Variants in TRMT112 observed in about 807,000 individuals in gnomAD.
TRMT112 encodes the protein tRNA methyltransferase activator subunit 11-2.
TRMT112 carries 9 observed loss-of-function variants against 13.8 expected under a neutral mutation model. The observed-to-expected ratio is 0.65, with a 90% confidence interval of 0.39 to 1.14. The LOEUF is 1.14. TRMT112 is among the 50% of genes most tolerant of loss of function. The pLI is 0.01. For missense variants in TRMT112, 196 were observed against 165.5 expected, an observed-to-expected ratio of 1.18 and a Z score of -1.01; for synonymous variants, 64 against 67.0, an observed-to-expected ratio of 0.96 and a Z score of 0.22.
Position 64,316,471 on chromosome 11 carries a change from C to T in TRMT112, c.*390G>A, listed in dbSNP as rs41294424. Reference sequence around the variant, plus strand: ...AGCAATAACTCCAAGCAGACTCCAGCCCCTGGACCCCTGGGGTGGCCAGGG... The same window carrying T: ...AGCAATAACTCCAAGCAGACTCCAGTCCCTGGACCCCTGGGGTGGCCAGGG... On this transcript the variant is annotated 3_prime_UTR_variant, in exon 4 of 4. Transcript: ENST00000544844. The T allele has an allele frequency of 4.7e-6, 1 of 214,182 alleles. No individual in the cohort carries two copies. The highest frequency in any genetic ancestry group is 2.3e-5 in the African/African-American group (1 of 42,778). The allele number at this position is 214,182 out of a possible 1,614,324, so 13.3% of individuals were successfully genotyped here.
chr11:64,318,165 G>A, upstream of TRMT112: 1 of 1,606,290 alleles, frequency 6.2e-7, no homozygotes, highest in Non-Finnish European at 8.5e-7. Flanking sequence ...TGCCCCGCCT[G>A]CTGCGGTGGC....
At chr11:64,318,213 G>A (rs779537653), upstream of TRMT112, 1 of 1,611,484 alleles carries the variant, frequency 6.2e-7, no homozygotes, top group South Asian at 1.1e-5. Context: ...CCGTGGGGCG[G>A]GTATGGGACT....
upstream of TRMT112, chr11:64,318,491 C>T (rs1019098716): frequency 6.0e-5 from 84 of 1,401,404 alleles, no homozygotes; most frequent in African/African-American, 1.1e-3. Context: ...CCAGACCCCT[C>T]CCCTCCGCCC....
intron 2 of TRMT112, 56 bp from the exon 3 acceptor site, chr11:64,317,203 G>A (rs934276436): frequency 1.2e-6 from 2 of 1,610,640 alleles, no homozygotes; most frequent in African/African-American, 1.3e-5. Flanking sequence ...GCCTCAGCCC[G>A]GCTGAGGTGT....
rs781653814 is a variant in TRMT112 at position 64,317,353 on chromosome 11, G to A, written c.91C>T (p.Arg31Cys). Residue 31 changes from arginine to cysteine, a missense_variant, in exon 2 of 4, where the codon CGT becomes TGT. Arg to Cys is a radical substitution (Grantham distance 180, BLOSUM62 -3). Coordinates refer to ENST00000544844, the MANE Select transcript of TRMT112 (RefSeq NM_016404.3). ...GGGTTGAATTCCACAGGGCAGATAC[G>A]GACCTCGGTGGCCTGCAGGGCGGAG... ...FPLRLQATEV[R>C]ICPVEFNPNF... 2.9e-5 allele frequency: 47 copies of A among 1,614,028 alleles called. No homozygotes were observed. The highest frequency in any genetic ancestry group is 3.8e-5 in the Non-Finnish European group (45 of 1,180,030).
At position 64,317,475 on chromosome 11, in the gene TRMT112, A is replaced by T; in HGVS notation, c.52T>A (p.Ser18Thr). The T allele has an allele frequency of 6.2e-7, 1 of 1,608,196 alleles. No homozygotes were observed. Among genetic ancestry groups the T allele is most frequent in the Non-Finnish European group, 8.5e-7 (1 of 1,176,982 alleles). The change falls in exon 1 of 4, where the codon TCC becomes ACC. Residue 18 changes from serine (S) to threonine (T), a missense_variant. Ser to Thr is a moderately conservative substitution (Grantham distance 58, BLOSUM62 1). Transcript: ENST00000544844. ...LLSSHVRGVG[S>T]RGFPLRLQAT... ...TGGAGGCGCAGGGGGAAGCCACGGG[A>T]CCCCACCCCCCGCACATGCGAGCTC...
upstream of TRMT112, chr11:64,317,986 C>A: frequency 7.1e-7 from 1 of 1,408,082 alleles, no homozygotes; most frequent in South Asian, 1.5e-5. Flanking sequence ...ATTAGCTGCT[C>A]CAGTGCCGAA....
chr11:64,318,232 T>A (rs978559577), upstream of TRMT112: 1 of 1,611,734 alleles, frequency 6.2e-7, no homozygotes, highest in Admixed American at 1.7e-5. Context: ...CTAGCTGGCG[T>A]GTGCGCCCTG....
At chr11:64,317,560 G>A, upstream of TRMT112, 3 of 1,505,662 alleles carry the variant, frequency 2.0e-6, no homozygotes, top group Non-Finnish European at 2.7e-6. Flanking sequence ...GCCGGAACCG[G>A]AAAAAGGTCG....
intron 2 of TRMT112, 43 bp downstream of exon 2, chr11:64,317,221 C>T (rs767527739): frequency 6.2e-7 from 1 of 1,608,824 alleles, no homozygotes; most frequent in Non-Finnish European, 8.5e-7. Flanking sequence ...TGTGCCCGCC[C>T]CGCATTCCCC....
In TRMT112 at chr11:64,316,822, A is replaced by C; in HGVS notation, c.*39T>G. 1 of 1,415,870 alleles carries C rather than the reference A, an allele frequency of 7.1e-7. No individual in the cohort carries two copies. The highest frequency in any genetic ancestry group is 2.3e-5 in the East Asian group (1 of 43,920). 87.7% of individuals were successfully genotyped at this position (1,415,870 alleles called of 1,614,324 possible). Reference sequence around the variant, plus strand: ...GGAAACAGGGTATAGATCAACAAAAATACACAGTCATAACAAGAAAAACTG... The same window carrying C: ...GGAAACAGGGTATAGATCAACAAAACTACACAGTCATAACAAGAAAAACTG... On this transcript the variant is annotated 3_prime_UTR_variant, in exon 4 of 4. Transcript: ENST00000544844.
chr11:64,318,553 A>G (rs377668581), upstream of TRMT112, among the ~76,000 whole-genome samples: 333 of 151,446 alleles, frequency 2.2e-3, 1 homozygote, highest in Non-Finnish European at 3.1e-3. Flanking sequence ...TTTCTCGCCA[A>G]TCGTGGGGGC....
chr11:64,318,088 C>T (rs1367526595), upstream of TRMT112: 53 of 1,458,578 alleles, frequency 3.6e-5, no homozygotes, highest in Non-Finnish European at 4.5e-5. Flanking sequence ...GGTGGCCGCT[C>T]GCGCCTGCGC....
chr11:64,317,378 G>A lies in TRMT112; in HGVS notation c.79-13C>T, dbSNP rs570596497. 6.2e-7 allele frequency: 1 copy of A among 1,614,136 alleles called. No individual in the cohort carries two copies. The highest frequency in any genetic ancestry group is 8.5e-7 in the Non-Finnish European group (1 of 1,179,998). On this transcript the variant is annotated splice_polypyrimidine_tract_variant and intron_variant, in intron 1 of 3. Coordinates refer to ENST00000544844, the MANE Select transcript of TRMT112 (RefSeq NM_016404.3). ...GGACCTCGGTGGCCTGCAGGGCGGA[G>A]GAGTTTAGGCAAGCACTGGACCCCG...
upstream of TRMT112, chr11:64,318,289 C>T (rs781169297): frequency 4.0e-5 from 64 of 1,612,430 alleles, no homozygotes; most frequent in Non-Finnish European, 5.2e-5. Context: ...GGCGGTCAGT[C>T]TGCGGCAGCG....
Position 64,317,270 on chromosome 11 carries a change from G to C in TRMT112, c.174C>G (p.Ala58=), listed in dbSNP as rs567684459. The C allele has an allele frequency of 2.4e-5, 38 of 1,609,958 alleles. No homozygotes were observed. The highest frequency in any genetic ancestry group is 1.7e-4 in the Middle Eastern group (1 of 6,044). Residue 58 remains alanine, a synonymous_variant, in exon 2 of 4, where the codon GCC becomes GCG. Coordinates refer to ENST00000544844, the MANE Select transcript of TRMT112 (RefSeq NM_016404.3). ...KVEWSAFLEA[A]DNLRLIQVPK... ...GCGGGGTAAGGATCCTCACGTTATC[G>C]GCCGCCTCCAGGAACGCCGACCACT... is the stretch of plus-strand genomic sequence containing the variant.
upstream of TRMT112, chr11:64,318,418 C>G (rs529087378): frequency 6.3e-7 from 1 of 1,579,762 alleles, no homozygotes; most frequent in South Asian, 1.1e-5. Context: ...CCTGACATCC[C>G]CCACTACCCC....
chr11:64,316,629 C>A lies in TRMT112; in HGVS notation c.*232G>T. ...GCAGGGACATGGGGCAAGCCAGGGCCCAGAGCCCTTGGCTGTACAGAGACT... is the reference window on the plus strand; with the variant it reads ...GCAGGGACATGGGGCAAGCCAGGGCACAGAGCCCTTGGCTGTACAGAGACT... On this transcript the variant is annotated 3_prime_UTR_variant, in exon 4 of 4. Coordinates refer to ENST00000544844, the MANE Select transcript of TRMT112 (RefSeq NM_016404.3). 1 of 512,560 alleles carries A rather than the reference C, an allele frequency of 2.0e-6. No individual in the cohort carries two copies. The highest frequency in any genetic ancestry group is 2.3e-5 in the South Asian group (1 of 43,332). 31.8% of individuals were successfully genotyped at this position (512,560 alleles called of 1,614,324 possible).
chr11:64,317,439 C>T lies in TRMT112; in HGVS notation c.78+10G>A, dbSNP rs758101903. On this transcript the variant is annotated intron_variant, in intron 1 of 3. Coordinates refer to ENST00000544844, the MANE Select transcript of TRMT112 (RefSeq NM_016404.3). ...CCGCCCGAAAAGGGAAGACTGCCGC[C>T]GGCGGGTACCTGGAGGCGCAGGGGG... is the stretch of plus-strand genomic sequence containing the variant. 3.1e-6 allele frequency: 5 copies of T among 1,612,428 alleles called. No individual in the cohort carries two copies. The highest frequency in any genetic ancestry group is 1.7e-4 in the Middle Eastern group (1 of 6,060).
Sources: gnomAD v4.1 joint callset for allele counts (sites outside exome capture counted in the v4.1 genomes callset) on GRCh38, gnomAD v4.1.1 for gene constraint, MANE v1.5 for transcripts, NCBI Gene and HGNC (gene_info 2026-07-23, HGNC 2026-07-21) for gene names.